Variants in DAOA observed in about 807,000 individuals in gnomAD.
DAOA encodes D-amino acid oxidase regulator.
A neutral mutation model predicts 16.4 loss-of-function variants in DAOA; 15 were observed. The ratio of observed to expected loss-of-function variants is 0.91; its 90% confidence interval spans 0.61 to 1.41. DAOA has a LOEUF of 1.41. DAOA is among the 40% of genes most tolerant of loss of function. DAOA has a pLI of 0.00. For missense variants in DAOA, 230 were observed against 176.8 expected (o/e 1.30, Z -1.71); for synonymous variants, 75 against 59.1 (o/e 1.27, Z -1.23).
chr13:105,477,777 A>C (rs1877439584), intron 4 of DAOA, among the ~76,000 whole-genome samples: 1 of 152,212 alleles, frequency 6.6e-6, no homozygotes, highest in African/African-American at 2.4e-5. Flanking sequence ...TTTGTGAGAT[A>C]GATATTTATC....
At chr13:105,488,786 G>A (rs909858349) in intron 4 of DAOA, among the ~76,000 whole-genome samples, 2 of 152,162 alleles carry the variant, frequency 1.3e-5, no homozygotes, top group Non-Finnish European at 2.9e-5. Flanking sequence ...ATCCTATGAA[G>A]AAAATGTCCT....
rs1184220348 is a variant in DAOA at position 105,484,407 on chromosome 13, G to A, written c.282-5494G>A. 2.0e-5 allele frequency among the ~76,000 whole-genome samples: 3 copies of A among 152,176 alleles called. No individual in the cohort carries two copies. The East Asian group carries it at 5.8e-4, about 29-fold the overall frequency. On this transcript the variant is annotated intron_variant, in intron 4 of 5. Transcript: ENST00000375936. ...TTACAGGGAAGCTATAGATGAATTT[G>A]GGGACAACTGACATCTTAAGAATAT...
chr13:105,475,950 A>T (rs1318117360), intron 4 of DAOA, among the ~76,000 whole-genome samples: 1 of 152,150 alleles, frequency 6.6e-6, no homozygotes, highest in Non-Finnish European at 1.5e-5. Context: ...AAAACTAAGA[A>T]CTGCACACTA....
intron 3 of DAOA, 94 bp downstream of exon 3, chr13:105,467,235 A>C: frequency 7.6e-7 from 1 of 1,309,866 alleles, no homozygotes; most frequent in East Asian, 2.5e-5. Flanking sequence ...CATATTTTCA[A>C]GCGTAGACAA....
At chr13:105,466,115 T>C (rs1876492467) in intron 1 of DAOA, 55 bp downstream of exon 1, 3 of 908,166 alleles carry the variant, frequency 3.3e-6, no homozygotes, top group Admixed American at 3.0e-5. Flanking sequence ...AGCTCCTGCA[T>C]GGCAGTGTTC....
At chr13:105,483,454 C>A (rs955730330) in intron 4 of DAOA, among the ~76,000 whole-genome samples, 7 of 152,150 alleles carry the variant, frequency 4.6e-5, no homozygotes, top group Admixed American at 1.3e-4. Context: ...AGTAATTTAA[C>A]CATTTTGCAT....
At chr13:105,474,537 A>G (rs10492528) in intron 4 of DAOA, among the ~76,000 whole-genome samples, 23,738 of 152,138 alleles carry the variant, frequency 0.16, 1,954 homozygotes, top group Non-Finnish European at 0.17. Flanking sequence ...AAGTCAGATA[A>G]TGCTACAAAT....
At chr13:105,470,117 T>A (rs1876825239) in intron 3 of DAOA, among the ~76,000 whole-genome samples, 1 of 32,738 alleles carries the variant, frequency 3.1e-5, no homozygotes, top group Admixed American at 2.6e-4. Flanking sequence ...CTCATTGGAA[T>A]TTTTTTTTTT....
chr13:105,482,356 C>T (rs574710960), intron 4 of DAOA, among the ~76,000 whole-genome samples: 3 of 148,574 alleles, frequency 2.0e-5, no homozygotes, highest in South Asian at 2.1e-4. Flanking sequence ...TTTTAACTCT[C>T]ATTTTTTTTT....
chr13:105,472,705 T>C lies in DAOA; in HGVS notation c.281+20T>C. On this transcript the variant is annotated intron_variant, in intron 4 of 5. Transcript: ENST00000375936. ...TGCAGAGTATGTATCTTCTTCATTT[T>C]AAACTTTTAACCAGGAGAAAGCTAA... is the stretch of plus-strand genomic sequence containing the variant. The C allele has an allele frequency of 6.3e-7, 1 of 1,585,082 alleles. No individual in the cohort carries two copies. Among genetic ancestry groups the C allele is most frequent in the Non-Finnish European group, 8.6e-7 (1 of 1,166,128 alleles).
intron 4 of DAOA, among the ~76,000 whole-genome samples, chr13:105,480,303 T>C (rs760176155): frequency 6.6e-6 from 1 of 152,130 alleles, no homozygotes; most frequent in African/African-American, 2.4e-5. Context: ...CTGTGTGAAC[T>C]AGCAGATACA....
At chr13:105,479,265 C>T (rs1210112870) in intron 4 of DAOA, among the ~76,000 whole-genome samples, 1 of 152,096 alleles carries the variant, frequency 6.6e-6, no homozygotes, top group Non-Finnish European at 1.5e-5. Flanking sequence ...ACCGAAAGAG[C>T]AACAAACATT....
At chr13:105,477,853 A>G (rs1281318778) in intron 4 of DAOA, among the ~76,000 whole-genome samples, 1 of 152,236 alleles carries the variant, frequency 6.6e-6, no homozygotes, top group Non-Finnish European at 1.5e-5. Flanking sequence ...ATAGAATATC[A>G]TGAGAGTCAT....
At chr13:105,468,844 A>G (rs1235794273) in intron 3 of DAOA, among the ~76,000 whole-genome samples, 1 of 152,204 alleles carries the variant, frequency 6.6e-6, no homozygotes, top group African/African-American at 2.4e-5. Flanking sequence ...AATATTATGA[A>G]AATAATTGTG....
chr13:105,480,763 A>C (rs1333101062), intron 4 of DAOA, among the ~76,000 whole-genome samples: 1 of 152,080 alleles, frequency 6.6e-6, no homozygotes, highest in African/African-American at 2.4e-5. Context: ...GAGTCCAAAA[A>C]GTGGAGTTCT....
intron 4 of DAOA, among the ~76,000 whole-genome samples, chr13:105,477,973 G>T (rs931667357): frequency 6.6e-6 from 1 of 152,038 alleles, no homozygotes; most frequent in Non-Finnish European, 1.5e-5. Flanking sequence ...AACCAAAATA[G>T]AATCTATCAT....
At chr13:105,480,335 G>T (rs1258867047) in intron 4 of DAOA, among the ~76,000 whole-genome samples, 11 of 152,020 alleles carry the variant, frequency 7.2e-5, no homozygotes, top group African/African-American at 2.7e-4. Flanking sequence ...TTTCTGGCTT[G>T]TGTATTACAT....
chr13:105,467,759 A>G (rs1280770449), intron 3 of DAOA: 1 of 149,884 alleles, frequency 6.7e-6, no homozygotes, highest in Non-Finnish European at 1.5e-5. Flanking sequence ...AAAGAGACAA[A>G]TTGCAGCTCC....
At chr13:105,473,296 C>T (rs750623949) in intron 4 of DAOA, among the ~76,000 whole-genome samples, 1 of 151,914 alleles carries the variant, frequency 6.6e-6, no homozygotes, top group Non-Finnish European at 1.5e-5. Context: ...TGCTATCTAT[C>T]TTTTTTTGCC....
Sources: gnomAD v4.1 joint callset for allele counts (sites outside exome capture counted in the v4.1 genomes callset) on GRCh38, gnomAD v4.1.1 for gene constraint, MANE v1.5 for transcripts, NCBI Gene and HGNC (gene_info 2026-07-23, HGNC 2026-07-21) for gene names.